Variants in MRPS18B observed in about 807,000 individuals in gnomAD.
MRPS18B encodes small ribosomal subunit protein mS40.
In MRPS18B, 27 loss-of-function variants were observed where a neutral mutation model predicts 28.4. The ratio of observed to expected loss-of-function variants is 0.95; its 90% CI spans 0.70 to 1.31. MRPS18B has a LOEUF of 1.31. MRPS18B is among the 40% of genes most tolerant of loss of function. The pLI is 0.00. For missense variants in MRPS18B, 343 were observed against 335.9 expected (o/e 1.02, Z -0.17); for synonymous variants, 118 against 123.7 (o/e 0.95, Z 0.30).
chr6:30,620,579 T>C (rs75299979), intron 4 of MRPS18B, among the ~76,000 whole-genome samples: 6,739 of 152,032 alleles, frequency 0.044, 272 homozygotes, highest in African/African-American at 0.11. Context: ...ATGGCTGTTT[T>C]TTTTTTTTGA....
rs769769516 is a variant in MRPS18B at position 30,625,836 on chromosome 6, C to G, written c.*39C>G. The G allele has an allele frequency of 4.5e-6, 7 of 1,568,014 alleles. No homozygotes were observed. The Admixed American group carries it at 7.1e-5, about 16-fold the overall frequency. ...GGAAGAGAGGCCAGGCGTGGTGGCTCACTCCTGTAATCCCAGCACTTTGGG... is the reference window on the plus strand; with the variant it reads ...GGAAGAGAGGCCAGGCGTGGTGGCTGACTCCTGTAATCCCAGCACTTTGGG... On this transcript the variant is annotated 3_prime_UTR_variant, in exon 7 of 7. Coordinates refer to ENST00000259873, the MANE Select transcript of MRPS18B (RefSeq NM_014046.4).
At chr6:30,625,065 A>T in intron 6 of MRPS18B, 123 bp downstream of exon 6, 1 of 997,912 alleles carries the variant, frequency 1.0e-6, no homozygotes, top group Admixed American at 2.1e-5. Flanking sequence ...GTTCTTCCTG[A>T]CGTTACATTG....
chr6:30,617,850 C>G lies in MRPS18B; in HGVS notation c.-16C>G. ...AGTTGCCTTTCCGTCAATTCCTGTCCTGGGCGTACGTCAAGATGGCGGCGT... is the reference window on the plus strand; with the variant it reads ...AGTTGCCTTTCCGTCAATTCCTGTCGTGGGCGTACGTCAAGATGGCGGCGT... On this transcript the variant is annotated 5_prime_UTR_variant, in exon 1 of 7. Transcript: ENST00000259873. 6.2e-7 allele frequency: 1 copy of G among 1,614,176 alleles called. No homozygotes were observed. Among genetic ancestry groups the G allele is most frequent in the African/African-American group, 1.3e-5 (1 of 75,060 alleles).
chr6:30,619,376 C>A, intron 1 of MRPS18B, 117 bp from the exon 2 acceptor site: 2 of 741,976 alleles, frequency 2.7e-6, no homozygotes, highest in Non-Finnish European at 4.4e-6. Flanking sequence ...CATATGCATT[C>A]CTGTTATATT....
chr6:30,622,984 T>C lies in MRPS18B; in HGVS notation c.421+86T>C, dbSNP rs140073865. On this transcript the variant is annotated intron_variant, in intron 5 of 6. Transcript: ENST00000259873. ...AGTTGGCCAATAGGTATTTGTTCAG[T>C]GGCTCCTGCTTATAGCCTAAAAGGT... The C allele has an allele frequency of 2.9e-3, 3,920 of 1,337,618 alleles. 18 individuals are homozygous for C. The highest frequency in any genetic ancestry group is 8.1e-3 in the Middle Eastern group (45 of 5,534). 82.9% of individuals were successfully genotyped at this position (1,337,618 alleles called of 1,614,324 possible).
chr6:30,626,031 G>C lies in MRPS18B; in HGVS notation c.*234G>C, dbSNP rs556011045. The C allele has an allele frequency of 6.0e-6, 3 of 500,284 alleles. No individual in the cohort carries two copies. The highest frequency in any genetic ancestry group is 1.1e-5 in the Non-Finnish European group (3 of 284,318). 31.0% of individuals were successfully genotyped at this position (500,284 alleles called of 1,614,324 possible). On this transcript the variant is annotated 3_prime_UTR_variant, in exon 7 of 7. Transcript: ENST00000259873. ...GTAGGATCACTTGATCCCAGGAGGC[G>C]GAGGTTGCAGTGAGTTGCAGTCACA...
chr6:30,619,662 C>T (rs1761013148), intron 2 of MRPS18B, 47 bp from the exon 3 acceptor site: 1 of 1,608,662 alleles, frequency 6.2e-7, no homozygotes, highest in Non-Finnish European at 8.5e-7. Flanking sequence ...ACAGAGCCAC[C>T]CACTACACTC....
chr6:30,625,687 C>T lies in MRPS18B; in HGVS notation c.667C>T (p.His223Tyr). 1 of 1,613,110 alleles carries T rather than the reference C, an allele frequency of 6.2e-7. No individual in the cohort carries two copies. Among genetic ancestry groups the T allele is most frequent in the Non-Finnish European group, 8.5e-7 (1 of 1,180,040 alleles). The change falls in exon 7 of 7, where the codon CAT (histidine) becomes TAT (tyrosine). Residue 223 changes from histidine to tyrosine, a missense_variant. His to Tyr is a moderately conservative substitution (Grantham distance 83, BLOSUM62 2). Transcript: ENST00000259873. ...LSRLRRLYQG[H>Y]LQEESGPPPE... ...TCGCCTTCGCCGGCTTTACCAGGGTCATCTCCAAGAAGAGAGTGGCCCCCC... is the reference window on the plus strand; with the variant it reads ...TCGCCTTCGCCGGCTTTACCAGGGTTATCTCCAAGAAGAGAGTGGCCCCCC...
At chr6:30,619,471 A>AT (rs756350996) in intron 1 of MRPS18B, 22 bp from the exon 2 acceptor site, 30 of 1,588,552 alleles carry the variant, frequency 1.9e-5, no homozygotes, top group South Asian at 2.2e-5. Flanking sequence ...TCATTCTTTT[A>AT]TTTTTTTCTT....
chr6:30,625,836 C>A lies in MRPS18B; in HGVS notation c.*39C>A. Reference sequence around the variant, plus strand: ...GGAAGAGAGGCCAGGCGTGGTGGCTCACTCCTGTAATCCCAGCACTTTGGG... The same window carrying A: ...GGAAGAGAGGCCAGGCGTGGTGGCTAACTCCTGTAATCCCAGCACTTTGGG... On this transcript the variant is annotated 3_prime_UTR_variant, in exon 7 of 7. Transcript: ENST00000259873. The A allele has an allele frequency of 3.2e-6, 5 of 1,568,132 alleles. No individual in the cohort carries two copies. Among genetic ancestry groups the A allele is most frequent in the Non-Finnish European group, 4.3e-6 (5 of 1,150,316 alleles).
intron 5 of MRPS18B, among the ~76,000 whole-genome samples, chr6:30,623,783 T>G (rs59350392): frequency 0.01 from 1,550 of 152,080 alleles, 21 homozygotes; most frequent in African/African-American, 0.027. Flanking sequence ...TTTTGTTGTT[T>G]TTTTTTTTTG....
At chr6:30,620,636 C>G (rs1296874144) in intron 4 of MRPS18B, among the ~76,000 whole-genome samples, 1 of 151,608 alleles carries the variant, frequency 6.6e-6, no homozygotes, top group Non-Finnish European at 1.5e-5. Flanking sequence ...GTGGCGTGAT[C>G]TCAGCTCACT....
chr6:30,622,700 G>A, intron 4 of MRPS18B, 132 bp from the exon 5 acceptor site: 1 of 750,536 alleles, frequency 1.3e-6, no homozygotes, highest in South Asian at 1.6e-5. Flanking sequence ...AAGGAGGATG[G>A]CATCTGGAGA....
At position 30,625,911 on chromosome 6, in the gene MRPS18B, G is replaced by T; in HGVS notation, c.*114G>T. On this transcript the variant is annotated 3_prime_UTR_variant, in exon 7 of 7. Transcript: ENST00000259873. ...ATCCCAGGAGTTTGAGACCAGCCTG[G>T]GCACCATGGTGAAACCTCGTCTTTA... is the stretch of plus-strand genomic sequence containing the variant. 1 of 1,187,540 alleles carries T rather than the reference G, an allele frequency of 8.4e-7. No homozygotes were observed. The highest frequency in any genetic ancestry group is 1.2e-6 in the Non-Finnish European group (1 of 845,844). 73.6% of individuals were successfully genotyped at this position (1,187,540 alleles called of 1,614,324 possible).
intron 6 of MRPS18B, 137 bp downstream of exon 6, chr6:30,625,079 C>T (rs147521890): frequency 6.9e-6 from 6 of 869,806 alleles, no homozygotes; most frequent in East Asian, 2.7e-5. Context: ...TACATTGTCC[C>T]CTGTCCTTTC....
chr6:30,620,038 C>T (rs1274620665), intron 4 of MRPS18B, 49 bp downstream of exon 4: 1 of 1,583,206 alleles, frequency 6.3e-7, no homozygotes, highest in Non-Finnish European at 8.7e-7. Context: ...AGATTAGGGG[C>T]TGGGCGCGGT....
chr6:30,625,036 A>G (rs1316531876), intron 6 of MRPS18B, 94 bp downstream of exon 6: 15 of 1,347,062 alleles, frequency 1.1e-5, no homozygotes, highest in Non-Finnish European at 1.6e-5. Context: ...CACCTGTTCA[A>G]GATGGTAGCA....
chr6:30,619,651 G>A, intron 2 of MRPS18B, 50 bp downstream of exon 2: 2 of 1,608,784 alleles, frequency 1.2e-6, no homozygotes, highest in Non-Finnish European at 1.7e-6. Context: ...GAGATAAGTG[G>A]ACAGAGCCAC....
At chr6:30,625,198 T>C (rs1469978177) in intron 6 of MRPS18B, among the ~76,000 whole-genome samples, 1 of 152,230 alleles carries the variant, frequency 6.6e-6, no homozygotes, top group East Asian at 1.9e-4. Context: ...AAGTTCTTTA[T>C]ATAAATGTCT....
Sources: gnomAD v4.1 joint callset for allele counts (sites outside exome capture counted in the v4.1 genomes callset) on GRCh38, gnomAD v4.1.1 for gene constraint, MANE v1.5 for transcripts, NCBI Gene and HGNC (gene_info 2026-07-23, HGNC 2026-07-21) for gene names.